The following MID1 variants were observed in gnomAD, a reference collection of about 807,000 sequenced individuals.
MID1 encodes the protein E3 ubiquitin-protein ligase Midline-1.
Under a neutral mutation model 40.4 loss-of-function variants are expected in MID1, and 7 were observed. The ratio of observed to expected loss-of-function variants is 0.17; its 90% confidence interval spans 0.10 to 0.33. The LOEUF is 0.33. MID1 is among the 10% of genes least tolerant of loss of function. The pLI is 1.00. For synonymous variants in MID1, 229 were observed against 221.2 expected (o/e 1.04, Z -0.31); for missense variants, 367 against 558.5 (o/e 0.66, Z 3.46).
At chrX:10,817,070 G>C (rs2044140128) in intron 1 of MID1, among the ~76,000 whole-genome samples, 1 of 112,144 alleles carries the variant, frequency 8.9e-6, no homozygotes, top group Non-Finnish European at 1.9e-5. Flanking sequence ...TATCTGCCTT[G>C]TTAGTTATTC....
chrX:10,482,727 C>A, intron 4 of MID1, 99 bp from the exon 5 acceptor site: 1 of 918,228 alleles, frequency 1.1e-6, no homozygotes. Context: ...GTTATCCTTC[C>A]ATAAAAGTTC....
At chrX:10,728,705 T>A (rs1284486012) in intron 1 of MID1, among the ~76,000 whole-genome samples, 1 of 111,828 alleles carries the variant, frequency 8.9e-6, no homozygotes, top group Non-Finnish European at 1.9e-5. Context: ...CCCAAGTCAA[T>A]TTTATTTAGC....
chrX:10,760,147 C>A (rs1474195601), intron 1 of MID1, among the ~76,000 whole-genome samples: 1 of 111,893 alleles, frequency 8.9e-6, no homozygotes, highest in Non-Finnish European at 1.9e-5. Context: ...ATGCTCAGTG[C>A]CTGACAATGT....
At chrX:10,628,712 T>C in intron 1 of MID1, among the ~76,000 whole-genome samples, 1 of 111,437 alleles carries the variant, frequency 9.0e-6, no homozygotes, top group Non-Finnish European at 1.9e-5. Context: ...CACTGAGAGG[T>C]CTAATGAGAT....
chrX:10,785,716 A>T, intron 1 of MID1, among the ~76,000 whole-genome samples: 1 of 111,869 alleles, frequency 8.9e-6, no homozygotes, highest in South Asian at 3.7e-4. Flanking sequence ...AGAAATGGGG[A>T]AAGGATTCCC....
chrX:10,750,403 A>T (rs774288615), intron 1 of MID1, among the ~76,000 whole-genome samples: 1 of 111,144 alleles, frequency 9.0e-6, no homozygotes, highest in African/African-American at 3.3e-5. Context: ...AGGCTGAGGC[A>T]GGCAGATCAC....
chrX:10,535,372 A>T (rs969075960), intron 2 of MID1, among the ~76,000 whole-genome samples: 5 of 112,445 alleles, frequency 4.4e-5, no homozygotes, highest in African/African-American at 1.6e-4. Context: ...TATTCAGAAT[A>T]AAAATATATT....
chrX:10,493,712 C>T (rs1483264683), intron 4 of MID1, among the ~76,000 whole-genome samples: 1 of 111,927 alleles, frequency 8.9e-6, no homozygotes, highest in Non-Finnish European at 1.9e-5. Flanking sequence ...CAAGAAAAGG[C>T]TTTGAGATGA....
chrX:10,737,783 G>A (rs778868759), intron 1 of MID1, among the ~76,000 whole-genome samples: 1 of 110,092 alleles, frequency 9.1e-6, no homozygotes, highest in South Asian at 4.0e-4. Flanking sequence ...GGGAGAAGAG[G>A]GATGCAAGAA....
At chrX:10,789,375 T>C (rs184077574) in intron 1 of MID1, among the ~76,000 whole-genome samples, 1 of 112,488 alleles carries the variant, frequency 8.9e-6, no homozygotes, top group Non-Finnish European at 1.9e-5. Flanking sequence ...AATGTTTTGA[T>C]CAGTGAGGGA....
intron 1 of MID1, among the ~76,000 whole-genome samples, chrX:10,811,108 G>A (rs760076961): frequency 1.0e-3 from 116 of 111,446 alleles, no homozygotes; most frequent in African/African-American, 3.6e-3. Flanking sequence ...GGTCACTTAT[G>A]ACTCTAGCTT....
At chrX:10,613,148 G>C (rs1419298770) in intron 1 of MID1, among the ~76,000 whole-genome samples, 1 of 111,275 alleles carries the variant, frequency 9.0e-6, no homozygotes, top group East Asian at 2.8e-4. Flanking sequence ...CCTCCGAATT[G>C]TTTGGGGAAG....
rs115398197 is a variant in MID1, at chrX:10,548,065, A to G, written c.660+18823T>C. Among the ~76,000 whole-genome samples the G allele has an allele frequency of 5.3e-3, 591 of 112,453 alleles. 2 individuals are homozygous for G. Among genetic ancestry groups the G allele is most frequent in the African/African-American group, 0.017 (517 of 31,020 alleles). The stretch of plus-strand genomic sequence containing the variant: ...ATAGAACTAGGCAAAAAGAGAAAAA[A>G]TAGCATGACTTAAGTGTACAATTAT... On this transcript the variant is annotated intron_variant, in intron 2 of 9. Transcript: ENST00000317552.
chrX:10,712,639 C>T (rs1360866941), intron 1 of MID1, among the ~76,000 whole-genome samples: 1 of 110,627 alleles, frequency 9.0e-6, no homozygotes, highest in Non-Finnish European at 1.9e-5. Flanking sequence ...TGGTCCTCTT[C>T]CAAGTGTACT....
intron 1 of MID1, among the ~76,000 whole-genome samples, chrX:10,666,406 C>CAA (rs33938561): frequency 0.015 from 1,019 of 68,717 alleles, 9 homozygotes; most frequent in African/African-American, 0.018. Flanking sequence ...TGATAAACTG[C>CAA]AAAAAAAAAA....
rs1224886270 is a variant in MID1, at chrX:10,641,111, A to G, written c.-186-20692T>C. Reference sequence around the variant, plus strand: ...AACATCACAATTAAAAGAACTAGAGAAGCAAGAGCAAACACATTCAAAAGC... The same window carrying G: ...AACATCACAATTAAAAGAACTAGAGGAGCAAGAGCAAACACATTCAAAAGC... On this transcript the variant is annotated intron_variant, in intron 1 of 10. Transcript: ENST00000380785. Among the ~76,000 whole-genome samples the G allele has an allele frequency of 2.7e-5, 3 of 111,875 alleles. No individual in the cohort carries two copies. In the East Asian group the frequency reaches 8.3e-4, roughly 31 times the overall value.
intron 1 of MID1, among the ~76,000 whole-genome samples, chrX:10,829,816 G>GT (rs1365129036): frequency 9.0e-6 from 1 of 111,578 alleles, no homozygotes; most frequent in East Asian, 2.8e-4. Flanking sequence ...AGCCTTACAG[G>GT]TATGACCTTA....
chrX:10,564,454 A>G lies in MID1; in HGVS notation c.660+2434T>C, dbSNP rs5978408. Among the ~76,000 whole-genome samples, 778 of 112,281 alleles carry G rather than the reference A, an allele frequency of 6.9e-3. 8 individuals are homozygous for G. Among genetic ancestry groups the G allele is most frequent in the African/African-American group, 0.024 (736 of 30,943 alleles). Reference sequence around the variant, plus strand: ...GCTATGTCGATAAGTTATTTGTTCAAATGCTCATAAGTACATCTTATTGAA... The same window carrying G: ...GCTATGTCGATAAGTTATTTGTTCAGATGCTCATAAGTACATCTTATTGAA... On this transcript the variant is annotated intron_variant, in intron 2 of 9. Transcript: ENST00000317552.
At chrX:10,721,635 G>A (rs775991110) in intron 1 of MID1, among the ~76,000 whole-genome samples, 112 of 109,720 alleles carry the variant, frequency 1.0e-3, no homozygotes, top group Non-Finnish European at 1.7e-3. Context: ...TGGAATGTGA[G>A]GATTGTGGGG....
Sources: allele counts gnomAD v4.1 joint callset (sites outside exome capture counted in the v4.1 genomes callset), GRCh38; gene constraint gnomAD v4.1.1; transcripts MANE v1.5; gene names NCBI Gene and HGNC (gene_info 2026-07-23, HGNC 2026-07-21).